Variants in FAM83F observed in about 807,000 individuals in gnomAD.
FAM83F encodes protein FAM83F.
FAM83F carries 45 observed loss-of-function variants against 42.9 expected under a neutral mutation model. That is an observed-to-expected ratio of 1.05 (90% CI 0.83 to 1.35). The LOEUF is 1.35. FAM83F is among the 40% of genes most tolerant of loss of function. The pLI, the probability that FAM83F is intolerant of heterozygous loss-of-function variation, is 0.00. For synonymous variants in FAM83F, 306 were observed against 298.3 expected (o/e 1.03, Z -0.27); for missense variants, 617 against 695.9 (o/e 0.89, Z 1.28).
chr22:40,004,679 C>T (rs1326546581), intron 1 of FAM83F, among the ~76,000 whole-genome samples: 1 of 152,162 alleles, frequency 6.6e-6, no homozygotes, highest in Non-Finnish European at 1.5e-5. Flanking sequence ...CTCAAGTGAT[C>T]CACCCTCTTC....
At position 39,995,395 on chromosome 22, in the gene FAM83F, C is replaced by T; in HGVS notation, c.353C>T (p.Pro118Leu). The T allele has an allele frequency of 6.5e-7, 1 of 1,548,486 alleles. No homozygotes were observed. The highest frequency in any genetic ancestry group is 2.4e-5 in the East Asian group (1 of 40,890). ...GACCGTTCCGACACCGAGGTGCCTC[C>T]TCTGGACCTGGGCTGGACGGACACT... ...WPDRSDTEVP[P>L]LDLGWTDTGF... Residue 118 changes from proline (P) to leucine (L), a missense_variant, in exon 1 of 5, where the codon CCT becomes CTT. Pro to Leu is a moderately conservative substitution (Grantham distance 98, BLOSUM62 -3). Coordinates refer to ENST00000333407, the MANE Select transcript of FAM83F (RefSeq NM_138435.4). This position sits in a 1 kb window ranked among gnomAD's most constrained non-coding sequence, Gnocchi z 4.6.
intron 1 of FAM83F, among the ~76,000 whole-genome samples, chr22:39,997,032 A>G (rs2067376085): frequency 1.3e-5 from 2 of 152,316 alleles, no homozygotes; most frequent in African/African-American, 4.8e-5. Context: ...GCATTTTCTC[A>G]TTAGCTTTTC....
At chr22:40,028,450 G>A (rs1441773479) in intron 4 of FAM83F, among the ~76,000 whole-genome samples, 1 of 152,192 alleles carries the variant, frequency 6.6e-6, no homozygotes, top group Non-Finnish European at 1.5e-5. Context: ...TGTGTGGAGG[G>A]GAACTGGCAG....
At chr22:39,996,364 A>G (rs1005320194) in intron 1 of FAM83F, among the ~76,000 whole-genome samples, 2 of 152,226 alleles carry the variant, frequency 1.3e-5, no homozygotes, top group African/African-American at 4.8e-5. Flanking sequence ...ACTACATTTG[A>G]ACTTTCAATA....
At chr22:40,004,040 T>C (rs2067415323) in intron 1 of FAM83F, among the ~76,000 whole-genome samples, 1 of 152,118 alleles carries the variant, frequency 6.6e-6, no homozygotes, top group Admixed American at 6.5e-5. Context: ...GGCTCCCAGA[T>C]GGCCTGGAGA....
intron 1 of FAM83F, among the ~76,000 whole-genome samples, chr22:40,001,015 T>C (rs1424325187): frequency 1.3e-5 from 2 of 152,224 alleles, no homozygotes; most frequent in East Asian, 3.8e-4. Flanking sequence ...TGGTGGATAA[T>C]GGCACAGCTG....
intron 1 of FAM83F, among the ~76,000 whole-genome samples, chr22:40,008,796 C>T (rs953996689): frequency 6.6e-5 from 10 of 152,168 alleles, no homozygotes; most frequent in African/African-American, 2.2e-4. Context: ...GCCCCATAGA[C>T]CTTGATCCTC....
In FAM83F at chr22:40,014,131, C is replaced by CTTTT. The variant is rs57224519; in HGVS notation, c.490-5023_490-5020dup. Among the ~76,000 whole-genome samples, 754 of 116,760 alleles carry CTTTT rather than the reference C, an allele frequency of 6.5e-3. 23 individuals are homozygous for CTTTT. Among genetic ancestry groups the CTTTT allele is most frequent in the African/African-American group, 0.021 (641 of 29,922 alleles). 76.6% of individuals were successfully genotyped at this position (116,760 alleles called of 152,430 possible). On this transcript the variant is annotated intron_variant, in intron 1 of 4. Transcript: ENST00000333407. ...AATCCTTATGTCTCTTATTTCTTTT[C>CTTTT]TTTTTTTTTTTTTTTTTGTCTTATT...
rs1443213313 is a variant in FAM83F at position 40,039,414 on chromosome 22, T to C, written c.*9849T>C. 1 of 152,210 alleles carries C rather than the reference T, an allele frequency of 6.6e-6. No individual in the cohort carries two copies. The highest frequency in any genetic ancestry group is 2.4e-5 in the African/African-American group (1 of 41,456). 9.4% of individuals were successfully genotyped at this position (152,210 alleles called of 1,614,324 possible). A position where few individuals can be genotyped will look rare whatever the true frequency, so the allele number is the denominator to read the frequency against. ...ATGAACCACTACGCCTGGCCTGGTA[T>C]GTGGGTTAAAATGTTAGGTTTTATC... is the stretch of plus-strand genomic sequence containing the variant. On this transcript the variant is annotated 3_prime_UTR_variant, in exon 5 of 5. Coordinates refer to ENST00000333407, the MANE Select transcript of FAM83F (RefSeq NM_138435.4).
intron 1 of FAM83F, among the ~76,000 whole-genome samples, chr22:40,000,073 T>A (rs1187159717): frequency 6.6e-6 from 1 of 152,232 alleles, no homozygotes; most frequent in Non-Finnish European, 1.5e-5. Context: ...TCACAGGTGA[T>A]CAATTATCTG....
rs2067648025 is a variant in FAM83F at position 40,040,977 on chromosome 22, G to C, written c.*11412G>C. 6.6e-6 allele frequency: 1 copy of C among 152,214 alleles called. No homozygotes were observed. Among genetic ancestry groups the C allele is most frequent in the Non-Finnish European group, 1.5e-5 (1 of 68,066 alleles). 9.4% of individuals were successfully genotyped at this position (152,214 alleles called of 1,614,324 possible). ...TATCCCCCCTTCCCCCAGCTTGTGG[G>C]TTATTGCAGAATTGTTCACAAAAAT... On this transcript the variant is annotated 3_prime_UTR_variant, in exon 5 of 5. Coordinates refer to ENST00000333407, the MANE Select transcript of FAM83F (RefSeq NM_138435.4).
In FAM83F at chr22:40,024,905, C is replaced by T. The variant is rs368754260; in HGVS notation, c.1453+2942C>T. Among the ~76,000 whole-genome samples, 29 of 152,310 alleles carry T rather than the reference C, an allele frequency of 1.9e-4. No individual in the cohort carries two copies. In the East Asian group the frequency reaches 4.6e-3, roughly 24 times the overall value. On this transcript the variant is annotated intron_variant, in intron 4 of 4. Coordinates refer to ENST00000333407, the MANE Select transcript of FAM83F (RefSeq NM_138435.4). ...CTTAGGGAAGTTGCTTCCTCCTTTC[C>T]GGCTGGGGATCCAGCTGGGGGCCAG...
rs2067659121 is a variant in FAM83F, at chr22:40,043,043, A to G, written c.*13478A>G. On this transcript the variant is annotated 3_prime_UTR_variant, in exon 5 of 5. Transcript: ENST00000333407. ...CTTCTGTCCTTCTTGCAGTTGCCCT[A>G]GGAATACATGCCACTTACTCTTAAT... 1 of 152,184 alleles carries G rather than the reference A, an allele frequency of 6.6e-6. No homozygotes were observed. Among genetic ancestry groups the G allele is most frequent in the Non-Finnish European group, 1.5e-5 (1 of 68,026 alleles). 9.4% of individuals were successfully genotyped at this position (152,184 alleles called of 1,614,324 possible). A position where few individuals can be genotyped will look rare whatever the true frequency, so the allele number is the denominator to read the frequency against.
At chr22:40,003,545 C>T (rs889492849) in intron 1 of FAM83F, among the ~76,000 whole-genome samples, 1 of 135,438 alleles carries the variant, frequency 7.4e-6, no homozygotes, top group Non-Finnish European at 1.7e-5. Context: ...GCCCCCTGCT[C>T]AGGGGGGGTG....
rs189191006 is a variant in FAM83F, at chr22:40,015,727, C to A, written c.490-3441C>A. Among the ~76,000 whole-genome samples, 4 of 152,304 alleles carry A rather than the reference C, an allele frequency of 2.6e-5. No homozygotes were observed. The East Asian group carries it at 7.7e-4, about 29-fold the overall frequency. On this transcript the variant is annotated intron_variant, in intron 1 of 4. Transcript: ENST00000333407. ...AGCTTCCTTGGTAAAGTCTTATCCT[C>A]CCCTGGCTAGAAGTAATCTCTCCGC...
intron 1 of FAM83F, among the ~76,000 whole-genome samples, chr22:40,011,235 AG>A (rs1315647902): frequency 1.3e-5 from 2 of 152,178 alleles, no homozygotes; most frequent in African/African-American, 4.8e-5. Context: ...TCTGTTGCCC[AG>A]GCTGGAGTGC....
At position 39,995,061 on chromosome 22, in the gene FAM83F, A is replaced by T; in HGVS notation, c.19A>T (p.Asn7Tyr). 1.5e-6 allele frequency: 2 copies of T among 1,321,812 alleles called. No individual in the cohort carries two copies. The highest frequency in any genetic ancestry group is 1.9e-6 in the Non-Finnish European group (2 of 1,041,336). The allele number at this position is 1,321,812 out of a possible 1,614,324, so 81.9% of individuals were successfully genotyped here. Residue 7 changes from asparagine to tyrosine, a missense_variant, in exon 1 of 5, where the codon AAC (asparagine) becomes TAC (tyrosine). Physicochemically the swap from Asn to Tyr is moderately radical, Grantham distance 143. Coordinates refer to ENST00000333407, the MANE Select transcript of FAM83F (RefSeq NM_138435.4). The surrounding 1 kb of genome is among the most constrained non-coding windows in gnomAD (Gnocchi z 4.6). ...GGGCGCCATGGCCGAGTCCCAGCTG[A>T]ACTGCCTGGACGAGGCGCACGTGAA... MAESQL[N>Y]CLDEAHVNEK...
rs1304428669 is a variant in FAM83F at position 40,021,800 on chromosome 22, G to T, written c.1290G>T (p.Gly430=). ...SRNGMGEAAR[G]EAAPARRFSS... ...ACGGCATGGGAGAAGCGGCCCGGGG[G>T]GAGGCCGCCCCCGCCAGGCGCTTCA... Residue 430 remains glycine, a synonymous_variant, in exon 4 of 5, where the codon GGG becomes GGT. Transcript: ENST00000333407. This position sits in a 1 kb window ranked among gnomAD's most constrained non-coding sequence, Gnocchi z 8.7. 5.6e-6 allele frequency: 9 copies of T among 1,612,532 alleles called. No homozygotes were observed. The African/African-American group carries it at 1.2e-4, about 22-fold the overall frequency.
chr22:40,021,766 C>T lies in FAM83F; in HGVS notation c.1256C>T (p.Pro419Leu). 1 of 1,612,854 alleles carries T rather than the reference C, an allele frequency of 6.2e-7. No individual in the cohort carries two copies. The highest frequency in any genetic ancestry group is 1.1e-5 in the South Asian group (1 of 91,080). The change falls in exon 4 of 5, where the codon CCC (proline) becomes CTC (leucine). Residue 419 changes from proline (P) to leucine (L), a missense_variant. Transcript: ENST00000333407. The surrounding 1 kb of genome is among the most constrained non-coding windows in gnomAD (Gnocchi z 8.7). ...RDLKPKSREAPSRNGMGEAAR... is the reference protein window; with the variant it reads ...RDLKPKSREALSRNGMGEAAR... ...CTGAAGCCCAAATCCCGAGAGGCAC[C>T]CAGCCGAAACGGCATGGGAGAAGCG...
Sources: gnomAD v4.1 joint callset for allele counts (sites outside exome capture counted in the v4.1 genomes callset) on GRCh38, gnomAD v4.1.1 for gene constraint, Gnocchi (gnomAD v3.1) non-coding constraint, MANE v1.5 for transcripts, NCBI Gene and HGNC (gene_info 2026-07-23, HGNC 2026-07-21) for gene names.